Variants in PLCB1 observed in about 807,000 individuals in gnomAD.
PLCB1 encodes the protein phospholipase C beta 1.
PLCB1 carries 46 observed loss-of-function variants against 161.8 expected under a neutral mutation model. The ratio of observed to expected loss-of-function variants is 0.28; its 90% CI spans 0.22 to 0.36. PLCB1 has a LOEUF of 0.36. Ranked by LOEUF, PLCB1 falls within the 10% of genes least tolerant of loss-of-function variation. The pLI, the probability that PLCB1 is intolerant of heterozygous loss-of-function variation, is 1.00. For missense variants in PLCB1, 1,016 were observed against 1,472.5 expected (o/e 0.69, Z 5.07); for synonymous variants, 517 against 503.7 (o/e 1.03, Z -0.35).
chr20:8,674,860 G>A (rs1430780945), intron 9 of PLCB1, among the ~76,000 whole-genome samples: 2 of 152,100 alleles, frequency 1.3e-5, no homozygotes, highest in Non-Finnish European at 2.9e-5. Flanking sequence ...GCTTGTTTTG[G>A]AAAAGAGTAA....
intron 19 of PLCB1, among the ~76,000 whole-genome samples, chr20:8,735,494 A>G (rs1980533702): frequency 6.6e-6 from 1 of 152,214 alleles, no homozygotes; most frequent in South Asian, 2.1e-4. Context: ...TACAGATCAT[A>G]ACTTTCCAAT....
At chr20:8,260,520 GT>G (rs1981638123) in intron 2 of PLCB1, among the ~76,000 whole-genome samples, 1 of 152,096 alleles carries the variant, frequency 6.6e-6, no homozygotes, top group Non-Finnish European at 1.5e-5. Flanking sequence ...TACACCTCTA[GT>G]GCAGTGAGAT....
chr20:8,709,893 G>C (rs1978899769), intron 12 of PLCB1, among the ~76,000 whole-genome samples: 1 of 152,134 alleles, frequency 6.6e-6, no homozygotes, highest in African/African-American at 2.4e-5. Context: ...TCTGTTCCAT[G>C]CTATTTCTGT....
At chr20:8,874,225 TACACAC>T (rs56986559) in intron 31 of PLCB1, among the ~76,000 whole-genome samples, 246 of 132,562 alleles carry the variant, frequency 1.9e-3, no homozygotes, top group African/African-American at 5.3e-3. Context: ...TATGTGTATG[TACACAC>T]ACACACACAC....
intron 3 of PLCB1, among the ~76,000 whole-genome samples, chr20:8,561,903 C>T (rs1049651503): frequency 6.6e-6 from 1 of 151,990 alleles, no homozygotes; most frequent in Non-Finnish European, 1.5e-5. Context: ...CCTATTCCCT[C>T]CACCCATCAC....
At chr20:8,655,104 G>A (rs997945416) in intron 7 of PLCB1, among the ~76,000 whole-genome samples, 4 of 152,032 alleles carry the variant, frequency 2.6e-5, no homozygotes, top group Non-Finnish European at 5.9e-5. Flanking sequence ...ATAATGTTGT[G>A]TTTATTCAGA....
intron 2 of PLCB1, among the ~76,000 whole-genome samples, chr20:8,185,196 T>C (rs2051890138): frequency 6.6e-6 from 1 of 152,296 alleles, no homozygotes; most frequent in Non-Finnish European, 1.5e-5. Flanking sequence ...TTTAGTGATA[T>C]CTACCAAAAC....
At chr20:8,475,848 T>A (rs1211981934) in intron 3 of PLCB1, among the ~76,000 whole-genome samples, 1 of 152,202 alleles carries the variant, frequency 6.6e-6, no homozygotes, top group Non-Finnish European at 1.5e-5. Context: ...TATATGCTAT[T>A]TTGTATTACT....
chr20:8,358,276 TCTCA>T (rs1308010281), intron 2 of PLCB1, among the ~76,000 whole-genome samples: 1 of 152,104 alleles, frequency 6.6e-6, no homozygotes, highest in African/African-American at 2.4e-5. Flanking sequence ...TGAGACAGAG[TCTCA>T]CTCTGTCGCC....
At chr20:8,205,655 G>T (rs565369922) in intron 2 of PLCB1, among the ~76,000 whole-genome samples, 26 of 152,196 alleles carry the variant, frequency 1.7e-4, no homozygotes, top group African/African-American at 6.0e-4. Context: ...AGTATTTGAT[G>T]ATATTTAGGA....
chr20:8,601,718 C>G (rs531846887), intron 3 of PLCB1, among the ~76,000 whole-genome samples: 15 of 152,250 alleles, frequency 9.9e-5, no homozygotes, highest in African/African-American at 3.4e-4. Context: ...GTTATTCATT[C>G]CTAAACTAGA....
rs368341942 is a variant in PLCB1, at chr20:8,518,015, C to T, written c.247-110279C>T. Among the ~76,000 whole-genome samples the T allele has an allele frequency of 9.3e-4, 141 of 152,160 alleles. 2 individuals are homozygous for T. The South Asian group carries it at 0.026, about 28-fold the overall frequency. On this transcript the variant is annotated intron_variant, in intron 3 of 31. Transcript: ENST00000338037. ...TGGCCAACATGGTGAAACCCCGTCTCTACTAAAAATACAAAATTTAGCTGG... is the reference window on the plus strand; with the variant it reads ...TGGCCAACATGGTGAAACCCCGTCTTTACTAAAAATACAAAATTTAGCTGG...
chr20:8,513,263 G>T (rs1882576070), intron 3 of PLCB1, among the ~76,000 whole-genome samples: 1 of 152,166 alleles, frequency 6.6e-6, no homozygotes, highest in South Asian at 2.1e-4. Context: ...AGGCCACACA[G>T]GGATATAGAT....
chr20:8,869,997 T>A (rs1007653085), intron 31 of PLCB1, among the ~76,000 whole-genome samples: 1 of 152,218 alleles, frequency 6.6e-6, no homozygotes, highest in Admixed American at 6.5e-5. Flanking sequence ...AAGTAAGGGC[T>A]TTTTTAAGCC....
intron 23 of PLCB1, among the ~76,000 whole-genome samples, chr20:8,756,810 C>G (rs995956125): frequency 6.6e-6 from 1 of 152,148 alleles, no homozygotes; most frequent in African/African-American, 2.4e-5. Flanking sequence ...AAGGGCACCA[C>G]CAACGGGCAT....
At chr20:8,367,010 C>T (rs1340153302) in intron 2 of PLCB1, among the ~76,000 whole-genome samples, 1 of 152,158 alleles carries the variant, frequency 6.6e-6, no homozygotes, top group Non-Finnish European at 1.5e-5. Flanking sequence ...TCAATTGTTG[C>T]TTGAGTTTCT....
intron 1 of PLCB1, among the ~76,000 whole-genome samples, chr20:8,137,021 C>T (rs1228409483): frequency 6.6e-6 from 1 of 152,122 alleles, no homozygotes; most frequent in East Asian, 1.9e-4. Flanking sequence ...AATTGCTAGA[C>T]TAAGTTGTCT....
chr20:8,387,977 T>A (rs371478019), intron 3 of PLCB1, among the ~76,000 whole-genome samples: 5,618 of 126,692 alleles, frequency 0.044, 132 homozygotes, highest in Admixed American at 0.072. Context: ...CCACTTTTTT[T>A]AAAAAAAAAA....
intron 26 of PLCB1, among the ~76,000 whole-genome samples, chr20:8,766,638 T>G (rs1982331093): frequency 6.6e-6 from 1 of 152,168 alleles, no homozygotes; most frequent in South Asian, 2.1e-4. Context: ...GCAATAAGAT[T>G]CTACTGAAGA....
Sources: gnomAD v4.1 joint callset for allele counts (sites outside exome capture counted in the v4.1 genomes callset) on GRCh38, gnomAD v4.1.1 for gene constraint, MANE v1.5 for transcripts, NCBI Gene and HGNC (gene_info 2026-07-23, HGNC 2026-07-21) for gene names.